SYNGR4: variants seen among roughly 807,000 people sequenced by gnomAD.
SYNGR4 encodes the protein synaptogyrin 4.
SYNGR4 carries 15 observed loss-of-function variants against 15.5 expected under a neutral mutation model. That is an observed-to-expected ratio of 0.97 (90% CI 0.65 to 1.49). The LOEUF (loss-of-function observed/expected upper bound fraction) is 1.49. Ranked by LOEUF, SYNGR4 falls within the 40% of genes most tolerant of loss-of-function variation. SYNGR4 has a pLI of 0.00. For synonymous variants in SYNGR4, 121 were observed against 127.4 expected (o/e 0.95, Z 0.34); for missense variants, 292 against 299.3 (o/e 0.98, Z 0.18).
At chr19:48,365,989 C>G in intron 2 of SYNGR4, 54 bp downstream of exon 2, 1 of 1,578,840 alleles carries the variant, frequency 6.3e-7, no homozygotes, top group Non-Finnish European at 8.7e-7. Context: ...GCCAGGAGCT[C>G]TCAACTCCCA....
intron 2 of SYNGR4, among the ~76,000 whole-genome samples, chr19:48,372,272 C>G (rs1018498760): frequency 2.1e-4 from 32 of 152,168 alleles, no homozygotes; most frequent in Admixed American, 6.5e-4. Flanking sequence ...GAGTAGTGCC[C>G]GTGTCCTAGG....
chr19:48,370,570 T>C (rs1970288681), intron 2 of SYNGR4, among the ~76,000 whole-genome samples: 1 of 152,012 alleles, frequency 6.6e-6, no homozygotes. Context: ...TTCTTTTTCT[T>C]CTCTTTTGAG....
Position 48,365,802 on chromosome 19 carries a change from T to C in SYNGR4, c.-41T>C. The stretch of plus-strand genomic sequence containing the variant: ...GCCCAGCAGGCAGCGCCCAGCACCC[T>C]GGCTCCCACCTCCCAGTGGCCCCAA... On this transcript the variant is annotated 5_prime_UTR_variant, in exon 2 of 5. Coordinates refer to ENST00000344846, the MANE Select transcript of SYNGR4 (RefSeq NM_012451.4). The C allele has an allele frequency of 6.2e-7, 1 of 1,609,608 alleles. No individual in the cohort carries two copies. Among genetic ancestry groups the C allele is most frequent in the Non-Finnish European group, 8.5e-7 (1 of 1,177,556 alleles).
At chr19:48,375,330 A>G (rs62132009) in intron 3 of SYNGR4, among the ~76,000 whole-genome samples, 15 of 152,112 alleles carry the variant, frequency 9.9e-5, no homozygotes, top group Admixed American at 5.9e-4. Context: ...CTAGCCTAAA[A>G]TCCTGTGTTA....
At position 48,376,195 on chromosome 19, in the gene SYNGR4, T is replaced by C. The variant is rs1419370212; in HGVS notation, c.582T>C (p.Ser194=). 2 of 1,614,136 alleles carry C rather than the reference T, an allele frequency of 1.2e-6. No individual in the cohort carries two copies. The highest frequency in any genetic ancestry group is 1.3e-5 in the African/African-American group (1 of 75,042). ...GMVLTTLPLP[S]ANSPVNMPTT... ...TGCTGACCACCCTCCCCTTGCCCTC[T>C]GCCAACAGCCCTGTGAACATGCCCA... is the stretch of plus-strand genomic sequence containing the variant. The change falls in exon 5 of 5, where the codon TCT becomes TCC. Residue 194 remains serine, a synonymous_variant. Coordinates refer to ENST00000344846, the MANE Select transcript of SYNGR4 (RefSeq NM_012451.4).
At chr19:48,373,372 G>T (rs1600946731) in intron 2 of SYNGR4, 145 bp from the exon 3 acceptor site, 1 of 711,656 alleles carries the variant, frequency 1.4e-6, no homozygotes, top group African/African-American at 1.7e-5. Context: ...GAAGCTGAGG[G>T]CTCTGACACT....
At chr19:48,365,043 A>G (rs571794793) in intron 1 of SYNGR4, among the ~76,000 whole-genome samples, 32 of 142,984 alleles carry the variant, frequency 2.2e-4, no homozygotes, top group Non-Finnish European at 3.8e-4. Flanking sequence ...GGACCCCCAG[A>G]ATCACCCTCA....
intron 2 of SYNGR4, among the ~76,000 whole-genome samples, chr19:48,366,217 T>G (rs1392379719): frequency 6.6e-6 from 1 of 151,828 alleles, no homozygotes. Flanking sequence ...TTAAGTAAAT[T>G]TTTTTTCTTT....
chr19:48,365,903 A>G lies in SYNGR4; in HGVS notation c.61A>G (p.Arg21Gly), dbSNP rs755253894. 2.5e-6 allele frequency: 4 copies of G among 1,613,806 alleles called. No individual in the cohort carries two copies. Among genetic ancestry groups the G allele is most frequent in the Admixed American group, 3.3e-5 (2 of 60,002 alleles). ...ANSEAVQFLR[R>G]PKTITRVFEG... The stretch of plus-strand genomic sequence containing the variant: ...CAGCGAAGCCGTGCAGTTTCTGAGA[A>G]GGCCCAAGACCATCACGCGGGTCTT... Residue 21 changes from arginine (R) to glycine (G), a missense_variant, in exon 2 of 5, where the codon AGG becomes GGG. Coordinates refer to ENST00000344846, the MANE Select transcript of SYNGR4 (RefSeq NM_012451.4).
At chr19:48,369,436 C>G (rs1970271604) in intron 2 of SYNGR4, among the ~76,000 whole-genome samples, 1 of 152,170 alleles carries the variant, frequency 6.6e-6, no homozygotes, top group Non-Finnish European at 1.5e-5. Context: ...GGGCTAGATT[C>G]CAATCCCCCT....
intron 3 of SYNGR4, among the ~76,000 whole-genome samples, chr19:48,375,317 C>T (rs935113639): frequency 6.6e-6 from 1 of 152,022 alleles, no homozygotes; most frequent in African/African-American, 2.4e-5. Flanking sequence ...TTAGCCACCT[C>T]GCCTAGCCTA....
chr19:48,369,538 C>G (rs531362018), intron 2 of SYNGR4, among the ~76,000 whole-genome samples: 6 of 152,274 alleles, frequency 3.9e-5, no homozygotes, highest in African/African-American at 7.2e-5. Flanking sequence ...GAGCCAAGCC[C>G]CTACCCCCAC....
intron 2 of SYNGR4, chr19:48,373,113 G>A: frequency 5.1e-6 from 1 of 195,170 alleles, no homozygotes; most frequent in Non-Finnish European, 1.1e-5. Context: ...GGAAGAGTGA[G>A]GGAAGCGGAG....
intron 2 of SYNGR4, among the ~76,000 whole-genome samples, chr19:48,372,183 C>T (rs892890778): frequency 6.6e-6 from 1 of 152,158 alleles, no homozygotes; most frequent in Non-Finnish European, 1.5e-5. Context: ...CCTCGCCCAG[C>T]CACTGGCCAG....
At position 48,373,282 on chromosome 19, in the gene SYNGR4, G is replaced by A. The variant is rs111926560; in HGVS notation, c.94-235G>A. The A allele has an allele frequency of 3.2e-3, 1,757 of 545,638 alleles. 17 individuals carry two copies. The highest frequency in any genetic ancestry group is 0.027 in the African/African-American group (1,422 of 52,848). The allele number at this position is 545,638 out of a possible 1,614,324, so 33.8% of individuals were successfully genotyped here. A position where few individuals can be genotyped will look rare whatever the true frequency, so the allele number is the denominator to read the frequency against. On this transcript the variant is annotated intron_variant, in intron 2 of 4. Transcript: ENST00000344846. ...AGGTGGGGAAGACTGGAGGTGGGGAGGCTGGGAGGAGGCTGGGGCAAGGGC... is the reference window on the plus strand; with the variant it reads ...AGGTGGGGAAGACTGGAGGTGGGGAAGCTGGGAGGAGGCTGGGGCAAGGGC...
At chr19:48,365,308 C>T (rs1294539122) in intron 1 of SYNGR4, among the ~76,000 whole-genome samples, 1 of 124,766 alleles carries the variant, frequency 8.0e-6, no homozygotes, top group Non-Finnish European at 1.6e-5. Flanking sequence ...ATGTCCCCCA[C>T]TTCAGGGACC....
Position 48,376,290 on chromosome 19 carries a change from C to T in SYNGR4, c.677C>T (p.Pro226Leu). 1 of 1,613,304 alleles carries T rather than the reference C, an allele frequency of 6.2e-7. No individual in the cohort carries two copies. Among genetic ancestry groups the T allele is most frequent in the Non-Finnish European group, 8.5e-7 (1 of 1,179,774 alleles). Residue 226 changes from proline to leucine, a missense_variant, in exon 5 of 5, where the codon CCC (proline) becomes CTC (leucine). Physicochemically the swap from Pro to Leu is moderately conservative, Grantham distance 98. Transcript: ENST00000344846. ...CCCTGTCTGACCGCTCCAAAGTCCC[C>T]CCGGCTTGCTATGATGCCTGACAAC... is the stretch of plus-strand genomic sequence containing the variant. ...LSPCLTAPKS[P>L]RLAMMPDN
intron 1 of SYNGR4, among the ~76,000 whole-genome samples, chr19:48,365,527 C>G (rs1970195075): frequency 6.7e-6 from 1 of 148,960 alleles, no homozygotes; most frequent in African/African-American, 2.5e-5. Context: ...CACCTGCACC[C>G]CCATCCTACG....
At chr19:48,368,148 C>T (rs1463408218) in intron 2 of SYNGR4, among the ~76,000 whole-genome samples, 8 of 152,202 alleles carry the variant, frequency 5.3e-5, no homozygotes, top group African/African-American at 1.7e-4. Context: ...GCAGCAGCAA[C>T]TTTCTTTCTC....
Sources: gnomAD v4.1 joint callset for allele counts (sites outside exome capture counted in the v4.1 genomes callset) on GRCh38, gnomAD v4.1.1 for gene constraint, MANE v1.5 for transcripts, NCBI Gene and HGNC (gene_info 2026-07-23, HGNC 2026-07-21) for gene names.